RNF180: variants seen among roughly 807,000 people sequenced by gnomAD.
RNF180 encodes E3 ubiquitin-protein ligase RNF180.
Under a neutral mutation model 59.2 loss-of-function variants are expected in RNF180, and 38 were observed. That is an observed-to-expected ratio of 0.64 (90% confidence interval 0.50 to 0.84). The LOEUF (loss-of-function observed/expected upper bound fraction) is 0.84. Ranked by LOEUF, RNF180 falls within the 40% of genes least tolerant of loss-of-function variation. The pLI is 0.00. For synonymous variants in RNF180, 262 were observed against 240.3 expected (o/e 1.09, Z -0.84); for missense variants, 705 against 700.9 (o/e 1.01, Z -0.07).
intron 5 of RNF180, among the ~76,000 whole-genome samples, chr5:64,228,663 T>C (rs1231573507): frequency 6.6e-6 from 1 of 152,172 alleles, no homozygotes. Flanking sequence ...ATGTCTCCAG[T>C]ATTTTGTAAA....
intron 5 of RNF180, among the ~76,000 whole-genome samples, chr5:64,259,137 T>G (rs988537879): frequency 6.6e-6 from 1 of 152,148 alleles, no homozygotes; most frequent in African/African-American, 2.4e-5. Flanking sequence ...ACCACCTCCT[T>G]TCTCTTGAGG....
intron 1 of RNF180, among the ~76,000 whole-genome samples, chr5:64,188,744 G>T (rs1750992042): frequency 1.3e-5 from 2 of 152,030 alleles, no homozygotes; most frequent in African/African-American, 4.8e-5. Context: ...TTTATTCTAT[G>T]CAGGAAGTAT....
At chr5:64,244,754 C>T (rs1030456063) in intron 5 of RNF180, among the ~76,000 whole-genome samples, 4 of 152,132 alleles carry the variant, frequency 2.6e-5, no homozygotes, top group African/African-American at 9.7e-5. Flanking sequence ...CAAAGATATT[C>T]CTCAAGAAGA....
At chr5:64,227,552 C>G (rs1272503132) in intron 5 of RNF180, among the ~76,000 whole-genome samples, 4 of 152,180 alleles carry the variant, frequency 2.6e-5, no homozygotes, top group African/African-American at 9.7e-5. Context: ...AGAAAGGGGC[C>G]CCTCCATTTG....
intron 5 of RNF180, among the ~76,000 whole-genome samples, chr5:64,242,340 ACAAT>A (rs1439475814): frequency 6.6e-6 from 1 of 152,220 alleles, no homozygotes; most frequent in Admixed American, 6.5e-5. Context: ...GAGATCAAGA[ACAAT>A]CAGAGAAATG....
chr5:64,254,407 G>GT (rs1743793236), intron 5 of RNF180, among the ~76,000 whole-genome samples: 1 of 152,074 alleles, frequency 6.6e-6, no homozygotes, highest in Non-Finnish European at 1.5e-5. Context: ...AACAAGAATT[G>GT]TTTATTTCTT....
chr5:64,290,898 G>A (rs545521082), intron 5 of RNF180, among the ~76,000 whole-genome samples: 7 of 151,754 alleles, frequency 4.6e-5, no homozygotes, highest in Middle Eastern at 6.8e-3. Flanking sequence ...TTGTTATTTT[G>A]CAGACTTGTT....
intron 5 of RNF180, among the ~76,000 whole-genome samples, chr5:64,253,717 A>AT (rs1285352982): frequency 1.3e-5 from 2 of 151,970 alleles, no homozygotes; most frequent in African/African-American, 4.8e-5. Flanking sequence ...AATAACTTTC[A>AT]TTTTTTTCTT....
At chr5:64,350,970 A>T (rs1193854549) in intron 7 of RNF180, among the ~76,000 whole-genome samples, 1 of 151,858 alleles carries the variant, frequency 6.6e-6, no homozygotes, top group Non-Finnish European at 1.5e-5. Context: ...CTTGATGGGG[A>T]TGGCATTGAA....
intron 1 of RNF180, among the ~76,000 whole-genome samples, chr5:64,167,740 AT>A (rs1749726552): frequency 6.6e-6 from 1 of 152,154 alleles, no homozygotes; most frequent in African/African-American, 2.4e-5. Context: ...TTTCGCTTAA[AT>A]TTTGCTAACT....
At chr5:64,286,658 A>C (rs1484431046) in intron 5 of RNF180, among the ~76,000 whole-genome samples, 1 of 152,200 alleles carries the variant, frequency 6.6e-6, no homozygotes, top group Non-Finnish European at 1.5e-5. Flanking sequence ...TGTGCGAAGC[A>C]CTCTATTCTA....
intron 5 of RNF180, among the ~76,000 whole-genome samples, chr5:64,292,801 T>C (rs1033811061): frequency 3.3e-5 from 5 of 151,702 alleles, no homozygotes; most frequent in African/African-American, 1.2e-4. Context: ...GAGATCAGAG[T>C]TCTGTCCATA....
At chr5:64,196,694 A>G (rs999910672) in intron 1 of RNF180, among the ~76,000 whole-genome samples, 1 of 151,982 alleles carries the variant, frequency 6.6e-6, no homozygotes, top group African/African-American at 2.4e-5. Context: ...AGTTTGGTTC[A>G]TATTTTTCTC....
At chr5:64,302,577 A>G (rs915798206) in intron 5 of RNF180, among the ~76,000 whole-genome samples, 3 of 151,630 alleles carry the variant, frequency 2.0e-5, no homozygotes, top group Non-Finnish European at 4.4e-5. Flanking sequence ...CTCTTAGTCC[A>G]TGCAAGAAGC....
rs1385404322 is a variant in RNF180 at position 64,212,155 on chromosome 5, CA to C, written c.231del (p.Ala78ProfsTer8). ...ALPEWISCLI[Q>X]KAQWTVGKLN... ...TCCAGAATGGATAAGCTGCCTAATC[CA>C]AAAAGTAAGTTCTTAGTTTCTGAGT... On this transcript the variant is annotated frameshift_variant, in exon 3 of 8. Coordinates refer to ENST00000389100, the MANE Select transcript of RNF180 (RefSeq NM_001113561.2). LOFTEE classifies it high-confidence loss of function. The C allele has an allele frequency of 1.9e-6, 3 of 1,553,580 alleles. No homozygotes were observed. The highest frequency in any genetic ancestry group is 1.4e-5 in the African/African-American group (1 of 73,760).
chr5:64,197,747 C>G (rs1751530567), intron 1 of RNF180, among the ~76,000 whole-genome samples: 1 of 152,148 alleles, frequency 6.6e-6, no homozygotes, highest in South Asian at 2.1e-4. Flanking sequence ...GAGTTGAAGT[C>G]AGTACCTTTT....
intron 4 of RNF180, among the ~76,000 whole-genome samples, chr5:64,216,926 C>A (rs1008735895): frequency 2.0e-5 from 3 of 152,134 alleles, no homozygotes; most frequent in Admixed American, 1.3e-4. Flanking sequence ...TAATGACCAA[C>A]ACAATGGACA....
At chr5:64,230,823 TCTAA>T (rs1742055833) in intron 5 of RNF180, among the ~76,000 whole-genome samples, 1 of 152,260 alleles carries the variant, frequency 6.6e-6, no homozygotes, top group Non-Finnish European at 1.5e-5. Flanking sequence ...TAGTGTTTTC[TCTAA>T]CTTTCTTTGG....
At chr5:64,289,811 ATTT>A (rs1742478482) in intron 5 of RNF180, among the ~76,000 whole-genome samples, 1 of 151,328 alleles carries the variant, frequency 6.6e-6, no homozygotes, top group African/African-American at 2.4e-5. Flanking sequence ...CTAGTGGTCT[ATTT>A]TATTAATTTT....
Sources: allele counts gnomAD v4.1 joint callset (sites outside exome capture counted in the v4.1 genomes callset), GRCh38; gene constraint gnomAD v4.1.1; transcripts MANE v1.5; gene names NCBI Gene and HGNC (gene_info 2026-07-23, HGNC 2026-07-21).